Variants in LTN1 observed in about 807,000 individuals in gnomAD.
The protein encoded by LTN1 is E3 ubiquitin-protein ligase listerin.
LTN1 carries 88 observed loss-of-function variants against 201.2 expected under a neutral mutation model. The observed-to-expected ratio is 0.44, with a 90% CI of 0.37 to 0.52. The LOEUF is 0.52. Among genes scored for constraint, LTN1 ranks in the 20% least tolerant of loss-of-function variants. LTN1 has a pLI of 0.00. For synonymous variants in LTN1, 645 were observed against 713.5 expected, an observed-to-expected ratio of 0.90 and a Z score of 1.53; for missense variants, 1,752 against 2,038.7, an observed-to-expected ratio of 0.86 and a Z score of 2.71.
chr21:28,981,700 A>G (rs2146314369), intron 5 of LTN1, among the ~76,000 whole-genome samples: 1 of 152,338 alleles, frequency 6.6e-6, no homozygotes, highest in African/African-American at 2.4e-5. Flanking sequence ...ATATTCTTCA[A>G]CTATGTTCAA....
In LTN1 at chr21:28,941,247, T is replaced by C. The variant is rs757036939; in HGVS notation, c.4455A>G (p.Leu1485=). The change falls in exon 25 of 30, where the codon CTA becomes CTG. Residue 1485 remains leucine, a synonymous_variant. Transcript: ENST00000361371. ...GTGATGATGCAGCTTTGAAGAAAGT[T>C]AGTATTAATTTCCAAGTGAGAAGGT... ...LGYLLTWKLI[L]TFFKAASSQL... The C allele has an allele frequency of 3.1e-6, 5 of 1,611,822 alleles. No individual in the cohort carries two copies. The South Asian group carries it at 4.4e-5, about 14-fold the overall frequency.
intron 24 of LTN1, among the ~76,000 whole-genome samples, chr21:28,943,037 C>T (rs1386462400): frequency 6.6e-6 from 1 of 152,146 alleles, no homozygotes; most frequent in Non-Finnish European, 1.5e-5. Context: ...GATAGTTTTA[C>T]TGAACAGTAG....
rs753240522 is a variant in LTN1, at chr21:28,953,274, T to C, written c.3182A>G (p.Tyr1061Cys). 3 of 1,604,928 alleles carry C rather than the reference T, an allele frequency of 1.9e-6. No individual in the cohort carries two copies. Among genetic ancestry groups the C allele is most frequent in the Admixed American group, 3.5e-5 (2 of 56,930 alleles). The part of the protein sequence containing the change: ...CEILQKMNIT[Y>C]DNLRVLGNTS... The stretch of plus-strand genomic sequence containing the variant: ...ATTACCAAGTACACGTAAGTTATCA[T>C]ACGTAATATTCATTTTTTGAAGTAT... The change falls in exon 17 of 30, where the codon TAT (tyrosine) becomes TGT (cysteine). Residue 1061 changes from tyrosine (Y) to cysteine (C), a missense_variant. By Grantham distance (194) the Tyr-to-Cys change is radical. This residue lies in a region of LTN1 where 1,211 missense variants were observed against 1,312.8 expected (regional missense o/e 0.92). Transcript: ENST00000361371.
rs755608282 is a variant in LTN1, at chr21:28,931,137, A to T, written c.5238+18T>A. 6.4e-7 allele frequency: 1 copy of T among 1,565,442 alleles called. No homozygotes were observed. Among genetic ancestry groups the T allele is most frequent in the Non-Finnish European group, 8.8e-7 (1 of 1,142,404 alleles). On this transcript the variant is annotated intron_variant, in intron 29 of 29. Transcript: ENST00000361371. ...AAATACATAAAATATAAGTAAGTTA[A>T]TTTCTCTTTAGACTTACCAAGCAGG...
At chr21:28,978,988 G>T (rs2084637786) in intron 6 of LTN1, among the ~76,000 whole-genome samples, 1 of 152,160 alleles carries the variant, frequency 6.6e-6, no homozygotes, top group South Asian at 2.1e-4. Context: ...AGAATACAAG[G>T]TTATGTAGTA....
At chr21:28,960,854 T>C in intron 11 of LTN1, 148 bp from the exon 12 acceptor site, 1 of 592,498 alleles carries the variant, frequency 1.7e-6, no homozygotes, top group South Asian at 2.1e-5. Context: ...CTAGGAAGAC[T>C]GGTATCCTCC....
chr21:28,986,379 G>A lies in LTN1; in HGVS notation c.247-142C>T, dbSNP rs974413488. On this transcript the variant is annotated intron_variant, in intron 2 of 29. Transcript: ENST00000361371. This position sits in a 1 kb window ranked among gnomAD's most constrained non-coding sequence, Gnocchi z 4.1. ...ATGCCATATGAGACTAGTTTGAAGA[G>A]CTCTTTCACAGGCTACTACGGTAGA... 3.5e-5 allele frequency: 24 copies of A among 688,380 alleles called. No homozygotes were observed. Among genetic ancestry groups the A allele is most frequent in the Middle Eastern group, 2.4e-4 (1 of 4,188 alleles). 42.6% of individuals were successfully genotyped at this position (688,380 alleles called of 1,614,324 possible).
At chr21:28,988,732 TGAG>T (rs2084721252) in intron 1 of LTN1, among the ~76,000 whole-genome samples, 1 of 151,830 alleles carries the variant, frequency 6.6e-6, no homozygotes, top group African/African-American at 2.4e-5. Context: ...TTCGGGAGGC[TGAG>T]GAGGGAGATC....
intron 8 of LTN1, among the ~76,000 whole-genome samples, chr21:28,970,232 A>G (rs1489474564): frequency 6.6e-6 from 1 of 152,194 alleles, no homozygotes; most frequent in Admixed American, 6.5e-5. Flanking sequence ...ATCAACATAA[A>G]AAATAAAAAA....
At chr21:28,973,718 G>T (rs1275368735) in intron 6 of LTN1, among the ~76,000 whole-genome samples, 1 of 152,056 alleles carries the variant, frequency 6.6e-6, no homozygotes, top group East Asian at 1.9e-4. Flanking sequence ...CATTATTCTA[G>T]AATGCAAAAG....
intron 27 of LTN1, 75 bp from the exon 28 acceptor site, chr21:28,932,739 A>C: frequency 1.0e-6 from 1 of 971,608 alleles, no homozygotes; most frequent in Admixed American, 2.1e-5. Flanking sequence ...TAGGTTGACT[A>C]TTAAAAGCTA....
In LTN1 at chr21:28,964,844, G is replaced by C. The variant is rs561514435; in HGVS notation, c.2163+1021C>G. On this transcript the variant is annotated intron_variant, in intron 11 of 29. Transcript: ENST00000361371. ...CTGCTCTGAATCAAGGCTTATCAAG[G>C]AGCTTTCTGATAATTTAGCTCTTCA... is the stretch of plus-strand genomic sequence containing the variant. The C allele has an allele frequency of 1.8e-5, 25 of 1,419,500 alleles. No homozygotes were observed. In the South Asian group the frequency reaches 3.9e-4, roughly 22 times the overall value. The allele number at this position is 1,419,500 out of a possible 1,614,324, so 87.9% of individuals were successfully genotyped here.
chr21:28,971,023 C>T (rs1450790245), intron 7 of LTN1, among the ~76,000 whole-genome samples: 2 of 152,108 alleles, frequency 1.3e-5, no homozygotes, highest in African/African-American at 4.8e-5. Context: ...ATATTTCAAT[C>T]TTAATTATAT....
In LTN1 at chr21:28,970,674, A is replaced by G. The variant is rs773436773; in HGVS notation, c.1053T>C (p.Gly351=). Residue 351 remains glycine, a synonymous_variant, in exon 8 of 30, where the codon GGT becomes GGC. Coordinates refer to ENST00000361371, the MANE Select transcript of LTN1 (RefSeq NM_015565.3). ...ATATGACAGTAGCTAGACCCCGACC[A>G]CCTTCACGAATCACAGTTGATAGCT... ...FPKLSTVIRE[G]GRGLATVIYP... is the part of the protein sequence containing the mutation. The G allele has an allele frequency of 1.9e-5, 31 of 1,613,968 alleles. No homozygotes were observed. Among genetic ancestry groups the G allele is most frequent in the Non-Finnish European group, 2.5e-5 (30 of 1,179,976 alleles).
chr21:28,977,468 T>G (rs1047910030), intron 6 of LTN1, among the ~76,000 whole-genome samples: 1 of 151,604 alleles, frequency 6.6e-6, no homozygotes, highest in African/African-American at 2.4e-5. Context: ...GGCTCATGCC[T>G]GTAATCCCAA....
At chr21:28,960,489 T>C (rs777942186) in intron 12 of LTN1, 28 bp downstream of exon 12, 5 of 1,569,856 alleles carry the variant, frequency 3.2e-6, no homozygotes, top group Middle Eastern at 1.7e-4. Context: ...TATTCCCCAT[T>C]AGAAAACAAA....
chr21:28,944,471 AT>A lies in LTN1; in HGVS notation c.3893del (p.Asn1298IlefsTer4). 1 of 1,614,046 alleles carries A rather than the reference AT, an allele frequency of 6.2e-7. No homozygotes were observed. The highest frequency in any genetic ancestry group is 8.5e-7 in the Non-Finnish European group (1 of 1,179,940). The stretch of plus-strand genomic sequence containing the variant: ...ATTCACTGATTAGATTTACAGGAAG[AT>A]TGCCAATGGTATCCAGAGTTGTGGA... The part of the protein sequence containing the change: ...FDSTTLDTIG[N>X]LPVNLISEWK... On this transcript the variant is annotated frameshift_variant, in exon 22 of 30. Transcript: ENST00000361371. LOFTEE classifies it high-confidence loss of function.
chr21:28,943,430 A>G, intron 23 of LTN1, 94 bp from the exon 24 acceptor site: 1 of 776,928 alleles, frequency 1.3e-6, no homozygotes, highest in Non-Finnish European at 2.1e-6. Flanking sequence ...TTTTATAATG[A>G]GTAAATGTTT....
At chr21:28,985,733 C>G (rs1413519162) in intron 3 of LTN1, among the ~76,000 whole-genome samples, 2 of 150,696 alleles carry the variant, frequency 1.3e-5, no homozygotes, top group Non-Finnish European at 2.9e-5. Flanking sequence ...AATCTTGGCT[C>G]ACTGCAACCT....
Sources: gnomAD v4.1 joint callset for allele counts (sites outside exome capture counted in the v4.1 genomes callset) on GRCh38, gnomAD v4.1.1 for gene constraint, gnomAD v4.1.1 regional missense constraint, Gnocchi (gnomAD v3.1) non-coding constraint, MANE v1.5 for transcripts, NCBI Gene and HGNC (gene_info 2026-07-23, HGNC 2026-07-21) for gene names.